The following FHIT variants were observed in gnomAD, a reference collection of about 807,000 sequenced individuals.
FHIT encodes the protein bis(5'-adenosyl)-triphosphatase.
In FHIT, 19 loss-of-function variants were observed where a neutral mutation model predicts 17.9. The observed-to-expected ratio is 1.06, with a 90% confidence interval of 0.74 to 1.56. FHIT has a LOEUF of 1.56. Ranked by LOEUF, FHIT falls within the 40% of genes most tolerant of loss-of-function variation. The pLI is 0.00. For synonymous variants in FHIT, 81 were observed against 69.7 expected (o/e 1.16, Z -0.81); for missense variants, 248 against 189.2 (o/e 1.31, Z -1.82).
At chr3:60,337,878 A>C (rs1710319029) in intron 5 of FHIT, among the ~76,000 whole-genome samples, 1 of 152,178 alleles carries the variant, frequency 6.6e-6, no homozygotes, top group South Asian at 2.1e-4. Flanking sequence ...CACTGGGTAC[A>C]ATCAAACTCA....
intron 5 of FHIT, among the ~76,000 whole-genome samples, chr3:60,194,880 T>G (rs1287124099): frequency 2.0e-5 from 3 of 152,132 alleles, no homozygotes; most frequent in East Asian, 1.9e-4. Flanking sequence ...AAAACCACAG[T>G]GAGGGCTGGG....
intron 5 of FHIT, among the ~76,000 whole-genome samples, chr3:60,153,106 T>A (rs917769056): frequency 3.3e-5 from 5 of 152,162 alleles, no homozygotes; most frequent in Non-Finnish European, 7.3e-5. Flanking sequence ...GCATCTTGAA[T>A]TTGCGTTACA....
chr3:60,955,609 T>TACATATATAC (rs1553778503), intron 3 of FHIT, among the ~76,000 whole-genome samples: 1 of 9,150 alleles, frequency 1.1e-4, no homozygotes, highest in African/African-American at 1.7e-4. Context: ...TATATATATA[T>TACATATATAC]ATATATATAT....
At chr3:60,120,091 A>G (rs1705178908) in intron 5 of FHIT, among the ~76,000 whole-genome samples, 1 of 152,310 alleles carries the variant, frequency 6.6e-6, no homozygotes, top group East Asian at 1.9e-4. Context: ...CAGCTTGAAC[A>G]TCACACCTTC....
At chr3:60,528,553 C>T (rs994552389) in intron 5 of FHIT, among the ~76,000 whole-genome samples, 18 of 152,180 alleles carry the variant, frequency 1.2e-4, no homozygotes, top group Admixed American at 3.9e-4. Context: ...CCATTTGATA[C>T]GAAGAAAGAG....
At chr3:60,455,714 C>G (rs948316772) in intron 5 of FHIT, among the ~76,000 whole-genome samples, 1 of 152,088 alleles carries the variant, frequency 6.6e-6, no homozygotes, top group South Asian at 2.1e-4. Context: ...AAATGAGTAG[C>G]TTCTGCAATT....
chr3:60,496,642 T>C (rs1215104034), intron 5 of FHIT, among the ~76,000 whole-genome samples: 2 of 152,158 alleles, frequency 1.3e-5, no homozygotes, highest in African/African-American at 4.8e-5. Context: ...TAGGTAAATA[T>C]TCTACAGAGA....
intron 7 of FHIT, among the ~76,000 whole-genome samples, chr3:59,956,238 G>A (rs1267147091): frequency 2.6e-5 from 4 of 152,112 alleles, no homozygotes; most frequent in African/African-American, 9.7e-5. Flanking sequence ...CAGGGGCTGG[G>A]TGACTAAAGA....
At chr3:60,956,732 C>G (rs1257980972) in intron 3 of FHIT, among the ~76,000 whole-genome samples, 9 of 152,128 alleles carry the variant, frequency 5.9e-5, no homozygotes, top group African/African-American at 2.2e-4. Flanking sequence ...AAACCAGAAG[C>G]TGGAAGAAAA....
chr3:60,185,145 T>G (rs573489835), intron 5 of FHIT, among the ~76,000 whole-genome samples: 93 of 152,322 alleles, frequency 6.1e-4, no homozygotes, highest in Middle Eastern at 6.8e-3. Flanking sequence ...GTGTATTTGT[T>G]GCTCCCACGG....
At chr3:60,671,028 T>C (rs185705575) in intron 4 of FHIT, among the ~76,000 whole-genome samples, 33 of 152,280 alleles carry the variant, frequency 2.2e-4, no homozygotes, top group Admixed American at 5.2e-4. Context: ...GACTTTTCAC[T>C]GTAGGCATGA....
intron 5 of FHIT, among the ~76,000 whole-genome samples, chr3:60,016,871 C>A (rs1700363970): frequency 6.6e-6 from 1 of 152,190 alleles, no homozygotes. Context: ...CACCATTTCA[C>A]TTTTGTACGT....
At chr3:60,018,874 G>A (rs936830879) in intron 5 of FHIT, among the ~76,000 whole-genome samples, 5 of 152,142 alleles carry the variant, frequency 3.3e-5, no homozygotes, top group Non-Finnish European at 4.4e-5. Flanking sequence ...CAGCTACTCA[G>A]GAGGCAGAGA....
intron 7 of FHIT, among the ~76,000 whole-genome samples, chr3:59,927,710 C>T (rs958733017): frequency 2.6e-5 from 4 of 151,866 alleles, no homozygotes; most frequent in South Asian, 2.1e-4. Context: ...CGGAGGTTGC[C>T]GTGAGCCGAG....
At chr3:60,036,156 G>GCTA (rs1701208363) in intron 5 of FHIT, among the ~76,000 whole-genome samples, 1 of 152,162 alleles carries the variant, frequency 6.6e-6, no homozygotes, top group Admixed American at 6.5e-5. Context: ...GAAGCATAAT[G>GCTA]CTACCATACA....
intron 8 of FHIT, among the ~76,000 whole-genome samples, chr3:59,789,294 T>G (rs1486038436): frequency 6.6e-6 from 1 of 152,204 alleles, no homozygotes; most frequent in South Asian, 2.1e-4. Context: ...ATAACCCACA[T>G]TTTTTATGGT....
rs112765699 is a variant in FHIT, at chr3:61,144,852, G to A, written c.-164+55765C>T. On this transcript the variant is annotated intron_variant, in intron 2 of 9. Coordinates refer to ENST00000492590, the MANE Select transcript of FHIT (RefSeq NM_002012.4). The stretch of plus-strand genomic sequence containing the variant: ...ATTAACCATTTGTATATCTTCTTTG[G>A]GAAAATGCCTATTCAGATACTTTGC... Among the ~76,000 whole-genome samples the A allele has an allele frequency of 8.3e-3, 1,257 of 152,078 alleles. 9 individuals are homozygous for A. Among genetic ancestry groups the A allele is most frequent in the Non-Finnish European group, 0.013 (879 of 67,950 alleles).
At chr3:60,175,396 T>C (rs944742876) in intron 5 of FHIT, among the ~76,000 whole-genome samples, 6 of 152,174 alleles carry the variant, frequency 3.9e-5, no homozygotes, top group Non-Finnish European at 5.9e-5. Context: ...GAATCTGTCC[T>C]ACAGGGTATC....
chr3:61,151,141 A>T (rs534075097), intron 2 of FHIT, among the ~76,000 whole-genome samples: 4 of 152,200 alleles, frequency 2.6e-5, no homozygotes, highest in African/African-American at 9.7e-5. Context: ...ATGGCTTCTT[A>T]TATTACTGCT....
Sources: allele counts gnomAD v4.1 joint callset (sites outside exome capture counted in the v4.1 genomes callset), GRCh38; gene constraint gnomAD v4.1.1; transcripts MANE v1.5; gene names NCBI Gene and HGNC (gene_info 2026-07-23, HGNC 2026-07-21).